MAP7: variants seen among roughly 807,000 people sequenced by gnomAD.
MAP7 encodes ensconsin.
Under a neutral mutation model 94.8 loss-of-function variants are expected in MAP7, and 52 were observed. The observed-to-expected ratio is 0.55, with a 90% CI of 0.44 to 0.69. MAP7 has a LOEUF of 0.69. MAP7 is among the 30% of genes least tolerant of loss of function. The pLI, the probability that MAP7 is intolerant of heterozygous loss-of-function variation, is 0.00. For missense variants in MAP7, 940 were observed against 964.6 expected (o/e 0.97, Z 0.34); for synonymous variants, 350 against 357.0 (o/e 0.98, Z 0.22).
chr6:136,447,105 G>A (rs1024480586), intron 1 of MAP7, among the ~76,000 whole-genome samples: 1 of 152,102 alleles, frequency 6.6e-6, no homozygotes, highest in Non-Finnish European at 1.5e-5. Flanking sequence ...TCTGTATCAT[G>A]GTTTTAACAA....
At chr6:136,452,728 T>C (rs1447748137) in intron 1 of MAP7, among the ~76,000 whole-genome samples, 1 of 152,100 alleles carries the variant, frequency 6.6e-6, no homozygotes, top group Non-Finnish European at 1.5e-5. Context: ...AATTTTTGTA[T>C]TTTTAGTAGA....
chr6:136,376,017 C>T (rs563847591), intron 7 of MAP7, among the ~76,000 whole-genome samples: 4 of 152,222 alleles, frequency 2.6e-5, no homozygotes, highest in South Asian at 2.1e-4. Context: ...TGAGGCAGTC[C>T]TTTAGCACAA....
At chr6:136,372,756 T>C in intron 7 of MAP7, 131 bp from the exon 8 acceptor site, 2 of 1,133,622 alleles carry the variant, frequency 1.8e-6, no homozygotes, top group Non-Finnish European at 1.3e-6. Flanking sequence ...GAGAGAAAAG[T>C]AGGAAGAAGA....
chr6:136,535,702 A>C (rs1368316105), intron 1 of MAP7, among the ~76,000 whole-genome samples: 2 of 149,364 alleles, frequency 1.3e-5, no homozygotes, highest in African/African-American at 4.9e-5. Context: ...CAAGCTTAGA[A>C]GCTTTTTTTT....
chr6:136,416,096 G>A (rs572948446), intron 2 of MAP7, among the ~76,000 whole-genome samples: 3 of 152,332 alleles, frequency 2.0e-5, no homozygotes, highest in Non-Finnish European at 4.4e-5. Context: ...TGGGGCTGGG[G>A]AGGAACAGAG....
chr6:136,505,953 T>C (rs1044859229), intron 1 of MAP7, among the ~76,000 whole-genome samples: 1 of 152,142 alleles, frequency 6.6e-6, no homozygotes, highest in Non-Finnish European at 1.5e-5. Flanking sequence ...TCAGAAAACC[T>C]TTATAAACAT....
intron 8 of MAP7, among the ~76,000 whole-genome samples, chr6:136,370,566 T>C (rs1159668660): frequency 6.6e-6 from 1 of 152,180 alleles, no homozygotes; most frequent in Non-Finnish European, 1.5e-5. Context: ...TAATGGAATA[T>C]AATTCAGCCC....
chr6:136,505,616 G>A (rs1043594167), intron 1 of MAP7, among the ~76,000 whole-genome samples: 2 of 151,928 alleles, frequency 1.3e-5, no homozygotes, highest in South Asian at 2.1e-4. Flanking sequence ...GGGACACATC[G>A]AAAGGAACAG....
At chr6:136,457,880 G>A (rs959823865) in intron 1 of MAP7, among the ~76,000 whole-genome samples, 1 of 152,110 alleles carries the variant, frequency 6.6e-6, no homozygotes, top group Admixed American at 6.6e-5. Flanking sequence ...TTTAAGATAA[G>A]GAACAAGGCA....
At chr6:136,508,386 G>A (rs1317446097) in intron 1 of MAP7, among the ~76,000 whole-genome samples, 1 of 152,080 alleles carries the variant, frequency 6.6e-6, no homozygotes, top group East Asian at 1.9e-4. Context: ...ACAAAGATTT[G>A]TCACATCATT....
intron 1 of MAP7, chr6:136,526,524 G>T (rs548899573): frequency 2.7e-4 from 264 of 985,548 alleles, no homozygotes; most frequent in South Asian, 1.8e-3. Flanking sequence ...ATCAAGAAGG[G>T]CCCAGAGCGG....
intron 2 of MAP7, among the ~76,000 whole-genome samples, chr6:136,418,206 GGTTTGTTT>G (rs372990678): frequency 2.0e-5 from 3 of 152,004 alleles, no homozygotes; most frequent in South Asian, 2.1e-4. Flanking sequence ...TCTGTAATGT[GGTTTGTTT>G]GTTTGTTTGT....
chr6:136,358,878 T>C (rs894376849), intron 15 of MAP7, among the ~76,000 whole-genome samples: 4 of 152,150 alleles, frequency 2.6e-5, no homozygotes, highest in Non-Finnish European at 5.9e-5. Flanking sequence ...GGGCCCCAGC[T>C]GCGTAAGCCT....
rs1820770638 is a variant in MAP7 at position 136,504,445 on chromosome 6, TTC to T, written c.67+45895_67+45896del. 2.0e-5 allele frequency among the ~76,000 whole-genome samples: 3 copies of T among 151,808 alleles called. No individual in the cohort carries two copies. The South Asian group carries it at 6.2e-4, about 32-fold the overall frequency. On this transcript the variant is annotated intron_variant, in intron 1 of 17. Transcript: ENST00000354570. ...CTCACTGCAACCTCCACGTCCTGGG[TTC>T]TGGCAATTCTCTTGCCTCAGCCTCC... is the stretch of plus-strand genomic sequence containing the variant.
rs150909611 is a variant in MAP7, at chr6:136,389,027, T to C, written c.408+327A>G. ...AGTAAGGGTTAAATGAGATAATCTA[T>C]GTGTAAATGTTTGCAAATGGTAAAG... On this transcript the variant is annotated intron_variant, in intron 4 of 17. Coordinates refer to ENST00000354570, the MANE Select transcript of MAP7 (RefSeq NM_003980.6). 5.3e-5 allele frequency among the ~76,000 whole-genome samples: 8 copies of C among 152,292 alleles called. No homozygotes were observed. In the East Asian group the frequency reaches 1.4e-3, roughly 26 times the overall value.
chr6:136,478,998 A>C (rs1161116186), intron 1 of MAP7, among the ~76,000 whole-genome samples: 1 of 149,806 alleles, frequency 6.7e-6, no homozygotes, highest in African/African-American at 2.4e-5. Flanking sequence ...AAAAAAAAGA[A>C]AGAAAGAAAA....
chr6:136,520,857 G>A (rs1232542068), intron 1 of MAP7, among the ~76,000 whole-genome samples: 1 of 152,214 alleles, frequency 6.6e-6, no homozygotes, highest in Admixed American at 6.5e-5. Context: ...CTTTGGTGCT[G>A]CCGGAGCACA....
chr6:136,508,960 G>A (rs1380127192), intron 1 of MAP7, among the ~76,000 whole-genome samples: 1 of 152,162 alleles, frequency 6.6e-6, no homozygotes, highest in Non-Finnish European at 1.5e-5. Context: ...CTGAATTAAA[G>A]CTCTGCTTTC....
chr6:136,510,203 C>T (rs915946542), intron 1 of MAP7, among the ~76,000 whole-genome samples: 7 of 152,056 alleles, frequency 4.6e-5, no homozygotes, highest in East Asian at 3.9e-4. Flanking sequence ...ATACAGTAGA[C>T]AAAATGGGGT....
Sources: gnomAD v4.1 joint callset for allele counts (sites outside exome capture counted in the v4.1 genomes callset) on GRCh38, gnomAD v4.1.1 for gene constraint, MANE v1.5 for transcripts, NCBI Gene and HGNC (gene_info 2026-07-23, HGNC 2026-07-21) for gene names.